Variants in LRP2 observed in about 807,000 individuals in gnomAD.
LRP2 encodes LDL receptor related protein 2.
Under a neutral mutation model 531.0 loss-of-function variants are expected in LRP2, and 172 were observed. The ratio of observed to expected loss-of-function variants is 0.32; its 90% CI spans 0.29 to 0.37. The LOEUF is 0.37. Among genes scored for constraint, LRP2 ranks in the 10% least tolerant of loss-of-function variants. The pLI is 1.00. For missense variants in LRP2, 5,167 were observed against 5,868.3 expected (o/e 0.88, Z 3.90); for synonymous variants, 1,992 against 2,027.6 (o/e 0.98, Z 0.47).
At chr2:169,137,316 A>T (rs1685549075) in intron 76 of LRP2, 76 bp downstream of exon 76, 1 of 1,103,948 alleles carries the variant, frequency 9.1e-7, no homozygotes, top group African/African-American at 1.5e-5. Context: ...AGGTTAGGAA[A>T]ATCCTAAGAC....
intron 1 of LRP2, among the ~76,000 whole-genome samples, chr2:169,353,579 A>G (rs13017872): frequency 0.24 from 36,235 of 152,096 alleles, 4,860 homozygotes; most frequent in Non-Finnish European, 0.3. Context: ...ACCAGTGTGG[A>G]AGTACATGCT....
chr2:169,334,876 C>T (rs187794037), intron 1 of LRP2, among the ~76,000 whole-genome samples: 2 of 152,314 alleles, frequency 1.3e-5, no homozygotes, highest in East Asian at 3.9e-4. Flanking sequence ...ATGCCTGAAG[C>T]ACAGCCGTCC....
At position 169,175,536 on chromosome 2, in the gene LRP2, A is replaced by G. The variant is rs549590400; in HGVS notation, c.10572-147T>C. 29 of 723,980 alleles carry G rather than the reference A, an allele frequency of 4.0e-5. No individual in the cohort carries two copies. The South Asian group carries it at 4.3e-4, about 11-fold the overall frequency. The allele number at this position is 723,980 out of a possible 1,614,324, so 44.8% of individuals were successfully genotyped here. A position where few individuals can be genotyped will look rare whatever the true frequency, so the allele number is the denominator to read the frequency against. On this transcript the variant is annotated intron_variant, in intron 54 of 78. Transcript: ENST00000649046. ...GAGGATCAATTAAATCTCAGTTACA[A>G]TGGTGTATTTTCAGAGAAAACATAA...
intron 1 of LRP2, among the ~76,000 whole-genome samples, chr2:169,340,957 T>C (rs1025866959): frequency 1.3e-5 from 2 of 152,196 alleles, no homozygotes; most frequent in African/African-American, 4.8e-5. Flanking sequence ...CTAGGCATAC[T>C]CTTAGCATCA....
chr2:169,274,093 A>C (rs1683491428), intron 14 of LRP2, among the ~76,000 whole-genome samples: 1 of 152,142 alleles, frequency 6.6e-6, no homozygotes, highest in Admixed American at 6.5e-5. Context: ...CTTCATCCTA[A>C]ATAGATCCAT....
chr2:169,342,782 A>T (rs60641214), intron 1 of LRP2, among the ~76,000 whole-genome samples: 36,978 of 148,138 alleles, frequency 0.25, 5,022 homozygotes, highest in African/African-American at 0.39. Context: ...AGTTCCTGAT[A>T]AAAAAAAAGC....
chr2:169,170,709 T>C (rs1340509629), intron 58 of LRP2, 42 bp from the exon 59 acceptor site: 2 of 1,351,292 alleles, frequency 1.5e-6, no homozygotes, highest in South Asian at 1.2e-5. Context: ...GCACCAGGAA[T>C]CACATACAGG....
intron 33 of LRP2, among the ~76,000 whole-genome samples, chr2:169,224,118 T>C (rs1018976857): frequency 2.6e-5 from 4 of 152,206 alleles, no homozygotes; most frequent in African/African-American, 9.7e-5. Flanking sequence ...TGCTTTTTAG[T>C]ATAGATAGGT....
intron 9 of LRP2, among the ~76,000 whole-genome samples, chr2:169,286,999 T>G (rs1186332255): frequency 6.6e-6 from 1 of 152,104 alleles, no homozygotes; most frequent in Non-Finnish European, 1.5e-5. Context: ...GAGCCTGACA[T>G]TTGCTAAAGA....
At chr2:169,329,524 G>A (rs756443971) in intron 1 of LRP2, among the ~76,000 whole-genome samples, 1 of 152,228 alleles carries the variant, frequency 6.6e-6, no homozygotes, top group Non-Finnish European at 1.5e-5. Flanking sequence ...AAGCCAAAGA[G>A]TGCCTGTCAA....
chr2:169,227,242 A>G (rs1689233206), intron 31 of LRP2, among the ~76,000 whole-genome samples: 1 of 152,214 alleles, frequency 6.6e-6, no homozygotes, highest in South Asian at 2.1e-4. Context: ...AGCCTGGCAT[A>G]AAATAGTTGC....
intron 58 of LRP2, among the ~76,000 whole-genome samples, chr2:169,170,921 GTTTTTT>G (rs57451386): frequency 3.3e-5 from 3 of 91,866 alleles, no homozygotes; most frequent in East Asian, 6.7e-4. Flanking sequence ...CTCTCTCTCT[GTTTTTT>G]TTTTTTTTTT....
At position 169,168,525 on chromosome 2, in the gene LRP2, T is replaced by G. The variant is rs577994643; in HGVS notation, c.11635+14A>C. On this transcript the variant is annotated intron_variant, in intron 61 of 78. Coordinates refer to ENST00000649046, the MANE Select transcript of LRP2 (RefSeq NM_004525.3). ...CAACACCACTCCCATTCACTCCGTT[T>G]CTCTCCCTCTTACAGCACAGGTGAA... 4.3e-6 allele frequency: 7 copies of G among 1,613,886 alleles called. No individual in the cohort carries two copies. Among genetic ancestry groups the G allele is most frequent in the Non-Finnish European group, 5.9e-6 (7 of 1,179,918 alleles).
chr2:169,324,308 C>CA (rs990786443), intron 1 of LRP2, among the ~76,000 whole-genome samples: 55 of 146,576 alleles, frequency 3.8e-4, no homozygotes, highest in Admixed American at 8.8e-4. Flanking sequence ...TCCCTTTCAC[C>CA]AAAAAAAAAA....
intron 61 of LRP2, among the ~76,000 whole-genome samples, chr2:169,166,893 T>A (rs1213332862): frequency 1.3e-5 from 2 of 152,192 alleles, no homozygotes; most frequent in Admixed American, 6.5e-5. Context: ...GCTGTCTGAT[T>A]TTCCTTCCGC....
Position 169,225,357 on chromosome 2 carries a change from T to C in LRP2, c.5491A>G (p.Ile1831Val), listed in dbSNP as rs1223236428. Residue 1831 changes from isoleucine (I) to valine (V), a missense_variant, in exon 33 of 79, where the codon ATT (isoleucine) becomes GTT (valine). Ile to Val is a conservative substitution (Grantham distance 29, BLOSUM62 3). Around this residue, in one of 6 missense-constraint regions of LRP2, gnomAD observed 2,811 missense variants for 3,058.0 expected, o/e 0.92. Coordinates refer to ENST00000649046, the MANE Select transcript of LRP2 (RefSeq NM_004525.3). ...GPSMNLALDW[I>V]SRNLYSTNPR... ...TTGGTAGAATAAAGGTTTCTTGAAA[T>C]CCAATCTAAGGCCAGGTTCATAGAA... 6.2e-7 allele frequency: 1 copy of C among 1,613,984 alleles called. No individual in the cohort carries two copies. Among genetic ancestry groups the C allele is most frequent in the Admixed American group, 1.7e-5 (1 of 60,000 alleles).
In LRP2 at chr2:169,286,046, A is replaced by G. The variant is rs190131899; in HGVS notation, c.1042+2980T>C. On this transcript the variant is annotated intron_variant, in intron 9 of 78. Transcript: ENST00000649046. ...AACCAAAGCAACAATTCCCCTAAAA[A>G]TTCAGCTCAGCTGAAACAAGTGTAA... Among the ~76,000 whole-genome samples, 8 of 152,346 alleles carry G rather than the reference A, an allele frequency of 5.3e-5. 1 individual carries two copies. The East Asian group carries it at 1.5e-3, about 29-fold the overall frequency.
intron 62 of LRP2, among the ~76,000 whole-genome samples, chr2:169,164,247 A>G (rs923100233): frequency 6.6e-6 from 1 of 152,124 alleles, no homozygotes; most frequent in African/African-American, 2.4e-5. Context: ...GAAGGCACTG[A>G]TTGTTTATTA....
At chr2:169,271,973 G>A (rs1026018368) in intron 15 of LRP2, among the ~76,000 whole-genome samples, 2 of 152,048 alleles carry the variant, frequency 1.3e-5, no homozygotes, top group Non-Finnish European at 1.5e-5. Context: ...GATAAAAATC[G>A]CAGTAACGGA....
Sources: allele counts gnomAD v4.1 joint callset (sites outside exome capture counted in the v4.1 genomes callset), GRCh38; gene constraint gnomAD v4.1.1; regional missense constraint gnomAD v4.1.1; transcripts MANE v1.5; gene names NCBI Gene and HGNC (gene_info 2026-07-23, HGNC 2026-07-21).